KAZN: variants seen among roughly 807,000 people sequenced by gnomAD.
KAZN encodes the protein kazrin, periplakin interacting protein, also known as kazrin.
Under a neutral mutation model 87.4 loss-of-function variants are expected in KAZN, and 40 were observed. The observed-to-expected ratio is 0.46, with a 90% confidence interval of 0.36 to 0.60. KAZN has a LOEUF of 0.60. Among genes scored for constraint, KAZN ranks in the 20% least tolerant of loss-of-function variants. The pLI is 0.00. For missense variants in KAZN, 898 were observed against 1,073.9 expected, an observed-to-expected ratio of 0.84 and a Z score of 2.29; for synonymous variants, 466 against 458.3, an observed-to-expected ratio of 1.02 and a Z score of -0.22.
chr1:15,054,663 A>AG (rs1553181656), intron 4 of KAZN, among the ~76,000 whole-genome samples: 4 of 151,512 alleles, frequency 2.6e-5, no homozygotes, highest in Non-Finnish European at 4.4e-5. Context: ...AAAAAAAAAA[A>AG]AAGAAGAAGA....
Position 15,065,838 on chromosome 1 carries a change from G to A in KAZN, c.1222+85G>A, listed in dbSNP as rs774629788. On this transcript the variant is annotated intron_variant, in intron 8 of 14. Transcript: ENST00000376030. ...GCCTGCTGCCCGCAGGCGTGTCTGT[G>A]CGTGTGGGCGTGTGTGCAAGCGAGC... is the stretch of plus-strand genomic sequence containing the variant. 1.7e-5 allele frequency: 27 copies of A among 1,574,904 alleles called. No individual in the cohort carries two copies. In the Admixed American group the frequency reaches 5.0e-4, roughly 29 times the overall value.
chr1:14,351,662 G>T (rs1658560327), intron 2 of KAZN, among the ~76,000 whole-genome samples: 1 of 152,204 alleles, frequency 6.6e-6, no homozygotes, highest in Non-Finnish European at 1.5e-5. Context: ...GAGGGACGCT[G>T]CAGGCTAGTC....
intron 2 of KAZN, among the ~76,000 whole-genome samples, chr1:14,527,507 C>T (rs999917986): frequency 4.7e-5 from 7 of 149,902 alleles, no homozygotes; most frequent in Admixed American, 2.0e-4. Context: ...TGAGACCATG[C>T]CATTGCACTC....
chr1:14,053,681 G>C (rs1642431684), intron 1 of KAZN, among the ~76,000 whole-genome samples: 1 of 152,138 alleles, frequency 6.6e-6, no homozygotes, highest in African/African-American at 2.4e-5. Flanking sequence ...AGAAAACAGT[G>C]AAAATTGTTT....
chr1:14,966,065 C>T (rs530908880), intron 2 of KAZN, among the ~76,000 whole-genome samples: 4 of 150,778 alleles, frequency 2.7e-5, no homozygotes, highest in Admixed American at 6.6e-5. Context: ...CTGCAACCTC[C>T]GCCTCCTGGG....
At chr1:14,180,416 C>A in intron 1 of KAZN, 1 of 1,542,772 alleles carries the variant, frequency 6.5e-7, no homozygotes, top group Non-Finnish European at 8.7e-7. Flanking sequence ...TCTACTTTTC[C>A]TTCTTTTTCT....
At chr1:14,312,811 G>A (rs1237897950) in intron 2 of KAZN, among the ~76,000 whole-genome samples, 2 of 152,068 alleles carry the variant, frequency 1.3e-5, no homozygotes, top group Non-Finnish European at 2.9e-5. Flanking sequence ...ACAAGGAAAT[G>A]AGCGTGACCT....
At chr1:14,593,295 A>T (rs1676309428) in intron 2 of KAZN, among the ~76,000 whole-genome samples, 1 of 152,220 alleles carries the variant, frequency 6.6e-6, no homozygotes, top group Admixed American at 6.5e-5. Flanking sequence ...AAGGAAGATG[A>T]ATTTGTTCAA....
intron 2 of KAZN, among the ~76,000 whole-genome samples, chr1:14,540,482 G>A (rs1323748423): frequency 1.3e-5 from 2 of 152,158 alleles, no homozygotes; most frequent in African/African-American, 2.4e-5. Flanking sequence ...GCTGAGTGAT[G>A]CAACCATGGT....
chr1:14,208,517 C>G (rs940743774), intron 2 of KAZN, among the ~76,000 whole-genome samples: 1 of 152,180 alleles, frequency 6.6e-6, no homozygotes, highest in Non-Finnish European at 1.5e-5. Context: ...CCGGTAGTCT[C>G]TACTCTCACA....
chr1:14,124,425 A>C (rs1237518619), intron 1 of KAZN: 2 of 152,048 alleles, frequency 1.3e-5, no homozygotes, highest in Admixed American at 6.6e-5. Flanking sequence ...CTAATCAGAC[A>C]CTGTTTTATC....
chr1:14,803,974 C>A (rs1572524935), intron 1 of KAZN, among the ~76,000 whole-genome samples: 1 of 152,386 alleles, frequency 6.6e-6, no homozygotes, highest in Non-Finnish European at 1.5e-5. Flanking sequence ...TAAACACTGT[C>A]CCCTAGTCCT....
At chr1:14,975,980 C>T (rs1302342732) in intron 2 of KAZN, among the ~76,000 whole-genome samples, 1 of 148,816 alleles carries the variant, frequency 6.7e-6, no homozygotes, top group East Asian at 2.0e-4. Flanking sequence ...TGCAGTGAAC[C>T]GAGATCATGC....
At chr1:14,475,926 T>G (rs1668697855) in intron 2 of KAZN, among the ~76,000 whole-genome samples, 1 of 152,190 alleles carries the variant, frequency 6.6e-6, no homozygotes. Flanking sequence ...TTTTGTGTTA[T>G]CTTGATAAAT....
chr1:15,084,786 T>G (rs955174681), intron 8 of KAZN, among the ~76,000 whole-genome samples: 2 of 152,218 alleles, frequency 1.3e-5, no homozygotes, highest in African/African-American at 4.8e-5. Flanking sequence ...CATCTGCTAT[T>G]TAGACCCAAA....
chr1:14,028,879 G>C (rs1641199927), intron 1 of KAZN, among the ~76,000 whole-genome samples: 1 of 152,048 alleles, frequency 6.6e-6, no homozygotes, highest in Non-Finnish European at 1.5e-5. Flanking sequence ...ATCATTGTTG[G>C]ACATTTGGGT....
At chr1:14,381,221 T>A (rs758542099) in intron 2 of KAZN, among the ~76,000 whole-genome samples, 1 of 152,136 alleles carries the variant, frequency 6.6e-6, no homozygotes, top group African/African-American at 2.4e-5. Flanking sequence ...ATTTTACATA[T>A]ATGTGCACCC....
chr1:14,486,982 A>G (rs1305622546), intron 2 of KAZN, among the ~76,000 whole-genome samples: 1 of 152,230 alleles, frequency 6.6e-6, no homozygotes, highest in Admixed American at 6.5e-5. Flanking sequence ...GGCATTCATC[A>G]GCTGTGTGTA....
chr1:14,351,816 T>C (rs758036344), intron 2 of KAZN, among the ~76,000 whole-genome samples: 3 of 152,222 alleles, frequency 2.0e-5, no homozygotes, highest in Non-Finnish European at 4.4e-5. Context: ...TGTGTACATC[T>C]TGTAAGGATT....
Sources: gnomAD v4.1 joint callset for allele counts (sites outside exome capture counted in the v4.1 genomes callset) on GRCh38, gnomAD v4.1.1 for gene constraint, MANE v1.5 for transcripts, NCBI Gene and HGNC (gene_info 2026-07-23, HGNC 2026-07-21) for gene names.